PARP8: variants seen among roughly 807,000 people sequenced by gnomAD.
PARP8 encodes the protein poly(ADP-ribose) polymerase family member 8, also known as protein mono-ADP-ribosyltransferase PARP8.
Under a neutral mutation model 124.1 loss-of-function variants are expected in PARP8, and 51 were observed. The ratio of observed to expected loss-of-function variants is 0.41; its 90% CI spans 0.33 to 0.52. The LOEUF (loss-of-function observed/expected upper bound fraction) is 0.52. PARP8 is among the 20% of genes least tolerant of loss of function. PARP8 has a pLI of 0.21. For missense variants in PARP8, 860 were observed against 1,018.9 expected (o/e 0.84, Z 2.12); for synonymous variants, 391 against 361.5 (o/e 1.08, Z -0.93).
At chr5:50,734,421 A>G (rs987827942) in intron 2 of PARP8, among the ~76,000 whole-genome samples, 5 of 152,174 alleles carry the variant, frequency 3.3e-5, no homozygotes, top group African/African-American at 9.6e-5. Flanking sequence ...CTGGAGAACT[A>G]AAGTCATGAG....
At chr5:50,763,626 T>C (rs1175396109) in intron 7 of PARP8, among the ~76,000 whole-genome samples, 1 of 151,384 alleles carries the variant, frequency 6.6e-6, no homozygotes, top group African/African-American at 2.4e-5. Flanking sequence ...CATTGTCATC[T>C]GGTCCCTAAA....
chr5:50,794,475 A>G (rs1580363067), intron 11 of PARP8, 143 bp downstream of exon 11: 2 of 885,786 alleles, frequency 2.3e-6, no homozygotes, highest in South Asian at 2.2e-5. Flanking sequence ...GATGCATTCC[A>G]TCAAAAACAT....
intron 9 of PARP8, among the ~76,000 whole-genome samples, chr5:50,783,331 G>A (rs1740881490): frequency 6.6e-6 from 1 of 152,244 alleles, no homozygotes; most frequent in East Asian, 1.9e-4. Flanking sequence ...GTTGGCAAGG[G>A]ACCTGTGGAA....
rs1422615969 is a variant in PARP8 at position 50,723,687 on chromosome 5, A to G, written c.147-26464A>G. Among the ~76,000 whole-genome samples, 3 of 152,114 alleles carry G rather than the reference A, an allele frequency of 2.0e-5. No homozygotes were observed. The East Asian group carries it at 5.8e-4, about 29-fold the overall frequency. On this transcript the variant is annotated intron_variant, in intron 2 of 25. Coordinates refer to ENST00000281631, the MANE Select transcript of PARP8 (RefSeq NM_024615.4). ...TGTAGAAAGAACATCAAAAGACAAA[A>G]CTAAGTGACTGAAAAGGAAACATAA...
chr5:50,709,271 T>G (rs1431832106), intron 2 of PARP8, among the ~76,000 whole-genome samples: 1 of 152,098 alleles, frequency 6.6e-6, no homozygotes, highest in African/African-American at 2.4e-5. Context: ...TTCCAACCAT[T>G]TTGTTGCATT....
chr5:50,790,617 T>C (rs1429521661), intron 10 of PARP8, among the ~76,000 whole-genome samples: 2 of 152,184 alleles, frequency 1.3e-5, no homozygotes, highest in Admixed American at 1.3e-4. Flanking sequence ...AGTACACAGG[T>C]CTAGGAATAA....
At chr5:50,754,555 T>G (rs984527956) in intron 3 of PARP8, among the ~76,000 whole-genome samples, 33 of 152,302 alleles carry the variant, frequency 2.2e-4, no homozygotes, top group African/African-American at 7.9e-4. Context: ...GGTGTATATG[T>G]GCCACATTTT....
At chr5:50,694,929 A>G (rs951082139) in intron 2 of PARP8, among the ~76,000 whole-genome samples, 23 of 152,136 alleles carry the variant, frequency 1.5e-4, no homozygotes, top group African/African-American at 5.1e-4. Context: ...TTCTAGTCTG[A>G]TGTTTGAGGG....
intron 25 of PARP8, among the ~76,000 whole-genome samples, chr5:50,835,347 A>G (rs1220033547): frequency 1.3e-5 from 2 of 152,180 alleles, no homozygotes; most frequent in Non-Finnish European, 2.9e-5. Flanking sequence ...GTTTGAGACC[A>G]GCCTGGCTAA....
chr5:50,840,738 C>G (rs747964966), intron 25 of PARP8, among the ~76,000 whole-genome samples: 5 of 151,678 alleles, frequency 3.3e-5, no homozygotes, highest in Non-Finnish European at 5.9e-5. Flanking sequence ...GAAGAGGATG[C>G]AATAAAAGTC....
chr5:50,777,987 A>T, intron 7 of PARP8, 82 bp from the exon 8 acceptor site: 1 of 1,064,724 alleles, frequency 9.4e-7, no homozygotes, highest in Non-Finnish European at 1.4e-6. Flanking sequence ...AGTGATTTAA[A>T]ATTTTAAATA....
rs762250683 is a variant in PARP8, at chr5:50,794,841, T to C, written c.864-12T>C. The stretch of plus-strand genomic sequence containing the variant: ...TGATTTGCCCTGTAGTAATTGTTGT[T>C]CAATTTTGAAGGTCGCCAAGTTATC... On this transcript the variant is annotated splice_polypyrimidine_tract_variant and intron_variant, in intron 11 of 25. Coordinates refer to ENST00000281631, the MANE Select transcript of PARP8 (RefSeq NM_024615.4). 6.2e-7 allele frequency: 1 copy of C among 1,605,464 alleles called. No homozygotes were observed. The highest frequency in any genetic ancestry group is 2.2e-5 in the East Asian group (1 of 44,814).
At chr5:50,688,847 A>C (rs909525522) in intron 2 of PARP8, among the ~76,000 whole-genome samples, 5 of 152,106 alleles carry the variant, frequency 3.3e-5, no homozygotes, top group African/African-American at 1.2e-4. Context: ...CAGTTTAGAA[A>C]ATTAAGAACA....
At chr5:50,798,034 G>A (rs1392060603) in intron 14 of PARP8, among the ~76,000 whole-genome samples, 2 of 152,076 alleles carry the variant, frequency 1.3e-5, no homozygotes, top group Non-Finnish European at 2.9e-5. Context: ...TGGTCATTCT[G>A]GATATTTGAT....
intron 2 of PARP8, among the ~76,000 whole-genome samples, chr5:50,704,854 T>C (rs917486096): frequency 1.3e-5 from 2 of 152,222 alleles, no homozygotes; most frequent in African/African-American, 2.4e-5. Flanking sequence ...GCATATGGAA[T>C]GTTCAAAATG....
At chr5:50,791,703 A>G (rs1741977005) in intron 10 of PARP8, among the ~76,000 whole-genome samples, 1 of 150,364 alleles carries the variant, frequency 6.7e-6, no homozygotes, top group Admixed American at 6.7e-5. Context: ...GTATGACTTT[A>G]TGTTGAGTCT....
chr5:50,797,323 G>A (rs1742671003), intron 14 of PARP8, 90 bp downstream of exon 14: 2 of 949,758 alleles, frequency 2.1e-6, no homozygotes, highest in Non-Finnish European at 3.0e-6. Context: ...AATAAATGCA[G>A]TTGAAAGCAA....
At chr5:50,726,435 A>G (rs1313815564) in intron 2 of PARP8, among the ~76,000 whole-genome samples, 3 of 152,148 alleles carry the variant, frequency 2.0e-5, no homozygotes, top group East Asian at 3.9e-4. Flanking sequence ...GGAGTACCTC[A>G]GATCTGATCA....
At chr5:50,802,450 C>T (rs1394263681) in intron 14 of PARP8, among the ~76,000 whole-genome samples, 1 of 152,044 alleles carries the variant, frequency 6.6e-6, no homozygotes, top group Non-Finnish European at 1.5e-5. Flanking sequence ...TCGCAAGTAA[C>T]CAGGACTGCA....
Sources: allele counts gnomAD v4.1 joint callset (sites outside exome capture counted in the v4.1 genomes callset), GRCh38; gene constraint gnomAD v4.1.1; transcripts MANE v1.5; gene names NCBI Gene and HGNC (gene_info 2026-07-23, HGNC 2026-07-21).